PAICS: variants seen among roughly 807,000 people sequenced by gnomAD.
The protein encoded by PAICS is phosphoribosylaminoimidazole carboxylase and phosphoribosylaminoimidazolesuccinocarboxamide synthase.
In PAICS, 33 loss-of-function variants were observed where a neutral mutation model predicts 53.7. The ratio of observed to expected loss-of-function variants is 0.61; its 90% CI spans 0.47 to 0.82. The LOEUF is 0.82. PAICS is among the 40% of genes least tolerant of loss of function. The probability of loss-of-function intolerance (pLI) is 0.00; values close to 1 mark genes in which losing one functional copy is unlikely to be tolerated. For missense variants in PAICS, 394 were observed against 494.1 expected, an observed-to-expected ratio of 0.80 and a Z score of 1.92; for synonymous variants, 141 against 167.2, an observed-to-expected ratio of 0.84 and a Z score of 1.21.
the PAICS span, chr4:56,425,500 G>A: frequency 1.2e-5 from 4 of 341,684 alleles, no homozygotes; most frequent in East Asian, 6.6e-4. Flanking sequence ...TTATTATGAA[G>A]TCATGATTTT....
the PAICS span, among the ~76,000 whole-genome samples, chr4:56,418,990 C>T: frequency 4.6e-5 from 7 of 152,302 alleles, no homozygotes; most frequent in East Asian, 3.9e-4. Context: ...CTGTAATTTT[C>T]GCAAGGCGTA....
At chr4:56,425,651 T>C in the PAICS span, among the ~76,000 whole-genome samples, 4 of 152,186 alleles carry the variant, frequency 2.6e-5, no homozygotes, top group East Asian at 1.9e-4. Flanking sequence ...GGCATCTTTG[T>C]TGTGTTAATG....
chr4:56,432,774 C>T (rs1302808857), upstream of PAICS, among the ~76,000 whole-genome samples: 2 of 130,146 alleles, frequency 1.5e-5, no homozygotes, highest in East Asian at 4.2e-4. Flanking sequence ...TGGGAGACAG[C>T]GAGACTCTGT....
the PAICS span, among the ~76,000 whole-genome samples, chr4:56,411,696 CCATGGGCAAAG>C: frequency 6.6e-6 from 1 of 152,148 alleles, no homozygotes; most frequent in African/African-American, 2.4e-5. Context: ...TCTGTGTGTA[CCATGGGCAAAG>C]CACTAAGTTA....
chr4:56,459,325 T>C (rs1266181866), intron 8 of PAICS, 47 bp from the exon 9 acceptor site: 5 of 1,407,760 alleles, frequency 3.6e-6, no homozygotes, highest in Middle Eastern at 1.9e-4. Flanking sequence ...TGTATTTTCA[T>C]TACTAATTGA....
chr4:56,420,002 A>G, the PAICS span: 2 of 985,258 alleles, frequency 2.0e-6, no homozygotes, highest in Non-Finnish European at 2.4e-6. Context: ...AAGATGGAGA[A>G]CATGTCACAG....
At chr4:56,442,703 CCTTA>C (rs1328057874) in intron 2 of PAICS, among the ~76,000 whole-genome samples, 1 of 152,162 alleles carries the variant, frequency 6.6e-6, no homozygotes, top group Admixed American at 6.5e-5. Flanking sequence ...TAATAACTTT[CCTTA>C]CTTTTAATTC....
chr4:56,411,279 A>T, the PAICS span, among the ~76,000 whole-genome samples: 1 of 152,198 alleles, frequency 6.6e-6, no homozygotes, highest in African/African-American at 2.4e-5. Context: ...TGCTCAACTG[A>T]TGTTTTTCCA....
chr4:56,419,820 A>G, the PAICS span: 1 of 984,152 alleles, frequency 1.0e-6, no homozygotes, highest in South Asian at 4.7e-5. Context: ...GAAATTTGGA[A>G]TAGACAGAGA....
rs1560666854 is a variant in PAICS at position 56,459,524 on chromosome 4, GA to G, written c.1266del (p.Glu422AspfsTer10). The G allele has an allele frequency of 1.9e-6, 3 of 1,554,666 alleles. No homozygotes were observed. On this transcript the variant is annotated frameshift_variant, in exon 9 of 9. Transcript: ENST00000512576. LOFTEE classifies it high-confidence loss of function. Reference sequence around the variant, plus strand: ...GAAGCAGGCTGACAAGAAAATCAGAGAATGTAATTTATAAGAAAGAATGCCA... The same window carrying G: ...GAAGCAGGCTGACAAGAAAATCAGAGATGTAATTTATAAGAAAGAATGCCA... ...SLKQADKKIRECNL is the reference protein window; with the variant it reads ...SLKQADKKIRXCNL
intron 5 of PAICS, among the ~76,000 whole-genome samples, chr4:56,449,837 A>G (rs1300978864): frequency 6.6e-6 from 1 of 150,890 alleles, no homozygotes; most frequent in African/African-American, 2.4e-5. Flanking sequence ...TTAGCCAGGC[A>G]TGGTGGTGGG....
chr4:56,433,787 C>T (rs1717739806), upstream of PAICS, among the ~76,000 whole-genome samples: 2 of 152,054 alleles, frequency 1.3e-5, no homozygotes, highest in South Asian at 2.1e-4. Context: ...CTAAGCCTCC[C>T]GGGTTCAAGC....
the PAICS span, among the ~76,000 whole-genome samples, chr4:56,427,130 G>A: frequency 2.0e-5 from 3 of 152,054 alleles, no homozygotes; most frequent in African/African-American, 7.2e-5. Context: ...TTCATCCATC[G>A]ATGGTTATCT....
chr4:56,443,468 G>A (rs535141583), intron 2 of PAICS, among the ~76,000 whole-genome samples: 2 of 152,222 alleles, frequency 1.3e-5, no homozygotes, highest in African/African-American at 2.4e-5. Context: ...GATTACAGGC[G>A]TAAGCCACCA....
chr4:56,449,049 A>G (rs1718766667), intron 5 of PAICS, among the ~76,000 whole-genome samples: 1 of 152,206 alleles, frequency 6.6e-6, no homozygotes, highest in African/African-American at 2.4e-5. Flanking sequence ...TCTTAATAAC[A>G]TTGTCACAAC....
At chr4:56,410,927 A>G in the PAICS span, 3 of 763,134 alleles carry the variant, frequency 3.9e-6, no homozygotes, top group South Asian at 6.0e-5. Context: ...AAAAAAAAAA[A>G]AGAAAAGTAC....
intron 5 of PAICS, 138 bp from the exon 6 acceptor site, chr4:56,450,477 AATTC>A (rs1351671174): frequency 2.2e-5 from 13 of 588,778 alleles, no homozygotes; most frequent in Non-Finnish European, 3.6e-5. Flanking sequence ...TTGTTAGTTT[AATTC>A]AGGAAGTGAA....
At chr4:56,435,989 C>A (rs1421114061), upstream of PAICS, 9 of 1,525,698 alleles carry the variant, frequency 5.9e-6, no homozygotes, top group Non-Finnish European at 6.2e-6. Context: ...TGCGAGCTTC[C>A]GCAGAGTGGG....
chr4:56,442,077 G>A (rs1405028653), intron 2 of PAICS: 1 of 460,180 alleles, frequency 2.2e-6, no homozygotes, highest in Admixed American at 4.0e-5. Context: ...TAACAAGTTT[G>A]CTGTAATCTT....
Sources: allele counts gnomAD v4.1 joint callset (sites outside exome capture counted in the v4.1 genomes callset), GRCh38; gene constraint gnomAD v4.1.1; transcripts MANE v1.5; gene names NCBI Gene and HGNC (gene_info 2026-07-23, HGNC 2026-07-21).